The following GRB10 variants were observed in gnomAD, a reference collection of about 807,000 sequenced individuals.
GRB10 encodes growth factor receptor bound protein 10, also known as growth factor receptor-bound protein 10.
GRB10 carries 20 observed loss-of-function variants against 80.9 expected under a neutral mutation model. That is an observed-to-expected ratio of 0.25 (90% CI 0.17 to 0.36). The LOEUF is 0.36. Among genes scored for constraint, GRB10 ranks in the 10% least tolerant of loss-of-function variants. The pLI is 1.00. For synonymous variants in GRB10, 291 were observed against 291.5 expected (o/e 1.00, Z 0.02); for missense variants, 548 against 747.7 (o/e 0.73, Z 3.12).
rs2075017997 is a variant in GRB10 at position 50,755,963 on chromosome 7, C to G, written c.-123G>C. ...TCACTGAGAGGACCCAGGTGAGGAC[C>G]TGGCTGCCGGTCACTGGGCTGCTGG... On this transcript the variant is annotated 5_prime_UTR_variant, in exon 3 of 19. Coordinates refer to ENST00000401949, the MANE Select transcript of GRB10 (RefSeq NM_001350814.2). 2.5e-6 allele frequency: 1 copy of G among 399,080 alleles called. No individual in the cohort carries two copies. 24.7% of individuals were successfully genotyped at this position (399,080 alleles called of 1,614,324 possible).
intron 17 of GRB10, among the ~76,000 whole-genome samples, chr7:50,596,690 T>C (rs2046712103): frequency 6.6e-6 from 1 of 152,198 alleles, no homozygotes; most frequent in African/African-American, 2.4e-5. Flanking sequence ...AGGGACATCA[T>C]GCCACAACTT....
chr7:50,713,705 C>A (rs1351366114), intron 4 of GRB10, among the ~76,000 whole-genome samples: 17 of 136,250 alleles, frequency 1.2e-4, no homozygotes, highest in Non-Finnish European at 1.9e-4. Context: ...TCCACCTCCT[C>A]CATCCTCACC....
intron 7 of GRB10, among the ~76,000 whole-genome samples, chr7:50,643,340 A>G (rs1376946449): frequency 6.6e-6 from 1 of 152,326 alleles, no homozygotes; most frequent in East Asian, 1.9e-4. Flanking sequence ...ACCAGCCAAC[A>G]TCATCATGCC....
Position 50,653,944 on chromosome 7 carries a change from C to A in GRB10, c.504+15778G>T, listed in dbSNP as rs181063783. On this transcript the variant is annotated intron_variant, in intron 7 of 18. Transcript: ENST00000401949. ...AAATCCAGCTAGAAGTGTAACCATG[C>A]GGCTGTCACTGTGCTTGAGACCATG... Among the ~76,000 whole-genome samples, 419 of 152,320 alleles carry A rather than the reference C, an allele frequency of 2.8e-3. 3 individuals are homozygous for A. The highest frequency in any genetic ancestry group is 1.6e-3 in the Non-Finnish European group (108 of 68,036).
chr7:50,605,774 C>T (rs1450400823), intron 14 of GRB10, among the ~76,000 whole-genome samples: 1 of 152,104 alleles, frequency 6.6e-6, no homozygotes, highest in Non-Finnish European at 1.5e-5. Flanking sequence ...GTCATTCCCT[C>T]GGGGACGTGG....
At chr7:50,759,444 C>A (rs995488968) in intron 2 of GRB10, among the ~76,000 whole-genome samples, 3 of 152,122 alleles carry the variant, frequency 2.0e-5, no homozygotes, top group African/African-American at 7.2e-5. Flanking sequence ...CACCAAAATC[C>A]ATCAGAGGAT....
In GRB10 at chr7:50,592,717, C is replaced by T. The variant is rs866936046; in HGVS notation, c.*235G>A. ...TATTTTCAACTTTCCGCTGGATCTT[C>T]CATGCCCTCCCCAATTTGGCCGATG... On this transcript the variant is annotated 3_prime_UTR_variant, in exon 19 of 19. Coordinates refer to ENST00000401949, the MANE Select transcript of GRB10 (RefSeq NM_001350814.2). 2.6e-5 allele frequency: 15 copies of T among 569,482 alleles called. No homozygotes were observed. The highest frequency in any genetic ancestry group is 9.4e-4 in the Middle Eastern group (2 of 2,128). 35.3% of individuals were successfully genotyped at this position (569,482 alleles called of 1,614,324 possible).
intron 2 of GRB10, among the ~76,000 whole-genome samples, chr7:50,766,500 G>T (rs1420166825): frequency 6.6e-6 from 1 of 152,112 alleles, no homozygotes; most frequent in Non-Finnish European, 1.5e-5. Context: ...AAAAGGGGCG[G>T]GTTAAAGAAA....
At chr7:50,630,381 G>A (rs1428011385) in intron 7 of GRB10, among the ~76,000 whole-genome samples, 1 of 152,198 alleles carries the variant, frequency 6.6e-6, no homozygotes, top group Admixed American at 6.5e-5. Flanking sequence ...TCTGTAAGCA[G>A]CACCAGCCTC....
intron 7 of GRB10, among the ~76,000 whole-genome samples, chr7:50,660,239 A>G (rs1027702518): frequency 2.0e-5 from 3 of 151,656 alleles, no homozygotes; most frequent in Non-Finnish European, 2.9e-5. Flanking sequence ...GGGAGGCGCA[A>G]CTGCGGTGCC....
chr7:50,647,871 G>A (rs1586298745), intron 7 of GRB10, among the ~76,000 whole-genome samples: 1 of 152,182 alleles, frequency 6.6e-6, no homozygotes, highest in Non-Finnish European at 1.5e-5. Flanking sequence ...GTGAGGAAGG[G>A]AATTGGGAAT....
At chr7:50,706,136 A>G (rs1344930567) in intron 4 of GRB10, among the ~76,000 whole-genome samples, 2 of 152,272 alleles carry the variant, frequency 1.3e-5, no homozygotes, top group African/African-American at 4.8e-5. Flanking sequence ...CCTAAATCAT[A>G]CAACAGTGGG....
At chr7:50,739,548 G>A (rs1029004721) in intron 3 of GRB10, among the ~76,000 whole-genome samples, 3 of 152,142 alleles carry the variant, frequency 2.0e-5, no homozygotes, top group Admixed American at 6.5e-5. Context: ...ACATGGCAAC[G>A]TACTAAGTGC....
At chr7:50,743,199 C>T (rs1587755490) in intron 3 of GRB10, among the ~76,000 whole-genome samples, 1 of 152,284 alleles carries the variant, frequency 6.6e-6, no homozygotes, top group Non-Finnish European at 1.5e-5. Context: ...CTCATTGCTT[C>T]CAACTGCACA....
intron 4 of GRB10, among the ~76,000 whole-genome samples, chr7:50,705,799 A>G (rs1188960530): frequency 6.6e-6 from 1 of 152,240 alleles, no homozygotes; most frequent in Admixed American, 6.5e-5. Flanking sequence ...GTTGTTGGAA[A>G]TGTAAGCTTT....
chr7:50,627,753 A>G, intron 7 of GRB10, among the ~76,000 whole-genome samples: 1 of 152,238 alleles, frequency 6.6e-6, no homozygotes, highest in Non-Finnish European at 1.5e-5. Context: ...GTGTTTAACA[A>G]ATCCTTACCT....
intron 4 of GRB10, chr7:50,705,014 C>T (rs1381584348): frequency 2.6e-6 from 1 of 380,440 alleles, no homozygotes; most frequent in African/African-American, 2.2e-5. Flanking sequence ...AAGCAGCAGG[C>T]CTTGGGAATG....
intron 6 of GRB10, among the ~76,000 whole-genome samples, 172 bp from the exon 7 acceptor site, chr7:50,670,035 G>A (rs2060198847): frequency 1.3e-5 from 2 of 152,156 alleles, no homozygotes; most frequent in African/African-American, 4.8e-5. Flanking sequence ...GCATCCCAAG[G>A]GTCTGCAGAT....
intron 7 of GRB10, among the ~76,000 whole-genome samples, chr7:50,639,229 C>T (rs2055664780): frequency 2.0e-5 from 3 of 152,098 alleles, no homozygotes; most frequent in Admixed American, 2.0e-4. Flanking sequence ...GCACATACAC[C>T]CCCGAGTCTA....
Sources: gnomAD v4.1 joint callset for allele counts (sites outside exome capture counted in the v4.1 genomes callset) on GRCh38, gnomAD v4.1.1 for gene constraint, MANE v1.5 for transcripts, NCBI Gene and HGNC (gene_info 2026-07-23, HGNC 2026-07-21) for gene names.